BLOC1S3: variants seen among roughly 807,000 people sequenced by gnomAD.
The protein encoded by BLOC1S3 is biogenesis of lysosome-related organelles complex 1 subunit 3.
A neutral mutation model predicts 9.1 loss-of-function variants in BLOC1S3; 7 were observed. That is an observed-to-expected ratio of 0.77 (90% CI 0.44 to 1.45). The LOEUF (loss-of-function observed/expected upper bound fraction) is 1.45, where lower values mean the gene tolerates loss of function less well. Ranked by LOEUF, BLOC1S3 falls within the 40% of genes most tolerant of loss-of-function variation. The probability of loss-of-function intolerance (pLI) is 0.01; values close to 1 mark genes in which losing one functional copy is unlikely to be tolerated. For missense variants in BLOC1S3, 307 were observed against 315.2 expected (o/e 0.97, Z 0.20); for synonymous variants, 145 against 158.4 (o/e 0.92, Z 0.64).
At chr19:45,207,984 T>A (rs1233293325) in intron 3 of BLOC1S3, among the ~76,000 whole-genome samples, 1 of 151,884 alleles carries the variant, frequency 6.6e-6, no homozygotes, top group African/African-American at 2.4e-5. Context: ...GTACTTTTTT[T>A]TTTTTTTTGA....
rs553708630 is a variant in BLOC1S3 at position 45,209,403 on chromosome 19, C to G, written n.282+6896C>G. 1.4e-4 allele frequency among the ~76,000 whole-genome samples: 22 copies of G among 151,860 alleles called. 1 individual carries two copies. The highest frequency in any genetic ancestry group is 5.3e-4 in the African/African-American group (22 of 41,430). On this transcript the variant is annotated intron_variant and non_coding_transcript_variant, in intron 3 of 3. Transcript: ENST00000591569. ...CTTGAAAATTTCGAAGAGAGTAGTTCTATTTCTTTATTTTATTGTTATTAT... is the reference window on the plus strand; with the variant it reads ...CTTGAAAATTTCGAAGAGAGTAGTTGTATTTCTTTATTTTATTGTTATTAT...
At chr19:45,194,313 A>G (rs1267719968) in intron 2 of BLOC1S3, among the ~76,000 whole-genome samples, 1 of 148,058 alleles carries the variant, frequency 6.8e-6, no homozygotes, top group Non-Finnish European at 1.5e-5. Flanking sequence ...GGGTTTCACC[A>G]TATTGGTCAG....
In BLOC1S3 at chr19:45,179,803, G is replaced by T; in HGVS notation, c.507G>T (p.Ala169=). Residue 169 remains alanine (A), a synonymous_variant, in exon 2 of 2, where the codon GCG becomes GCT. Coordinates refer to ENST00000433642, the MANE Select transcript of BLOC1S3 (RefSeq NM_212550.5). The surrounding 1 kb of genome is among the most constrained non-coding windows in gnomAD (Gnocchi z 4.6). The part of the protein sequence containing the change: ...SVRLARGDLC[A]LAERLDIVAG... ...GCCTGGCGCGCGGGGACCTTTGTGCGCTGGCCGAGCGTCTGGACATCGTGG... is the reference window on the plus strand; with the variant it reads ...GCCTGGCGCGCGGGGACCTTTGTGCTCTGGCCGAGCGTCTGGACATCGTGG... 6.2e-7 allele frequency: 1 copy of T among 1,600,864 alleles called. No homozygotes were observed. Among genetic ancestry groups the T allele is most frequent in the East Asian group, 2.3e-5 (1 of 43,758 alleles).
At position 45,215,356 on chromosome 19, in the gene BLOC1S3, A is replaced by G. The variant is rs935928595; in HGVS notation, n.283-1320A>G. 4.6e-5 allele frequency among the ~76,000 whole-genome samples: 7 copies of G among 152,092 alleles called. 1 individual carries two copies. Among genetic ancestry groups the G allele is most frequent in the Admixed American group, 4.6e-4 (7 of 15,252 alleles). ...CATTGTGGTGCATGCCTGTGGTCCC[A>G]GCTACTCAGAAGGCTGAGGTGGGAG... is the stretch of plus-strand genomic sequence containing the variant. On this transcript the variant is annotated intron_variant and non_coding_transcript_variant, in intron 3 of 3. Coordinates refer to the BLOC1S3 transcript ENST00000591569.
At chr19:45,192,389 C>G (rs1350102772) in intron 2 of BLOC1S3, among the ~76,000 whole-genome samples, 1 of 152,174 alleles carries the variant, frequency 6.6e-6, no homozygotes, top group East Asian at 1.9e-4. Flanking sequence ...CAGGGACCCC[C>G]AAGAGCCAAC....
chr19:45,179,895 C>CGCG lies in BLOC1S3; in HGVS notation c.601_603dup (p.Arg201dup), dbSNP rs748400285. The CGCG allele has an allele frequency of 1.9e-6, 3 of 1,608,242 alleles. No individual in the cohort carries two copies. The highest frequency in any genetic ancestry group is 2.7e-5 in the African/African-American group (2 of 74,160). ...ACCGAGCCTGAGAAAGACCCGGGGC[C>CGCG]GCGGGCCTAGCCATGATTCTACTTC... On this transcript the variant is annotated inframe_insertion, in exon 2 of 2. Transcript: ENST00000433642. This position sits in a 1 kb window ranked among gnomAD's most constrained non-coding sequence, Gnocchi z 4.6.
intron 3 of BLOC1S3, among the ~76,000 whole-genome samples, chr19:45,207,161 C>G (rs1019379536): frequency 6.9e-6 from 1 of 145,906 alleles, no homozygotes; most frequent in African/African-American, 2.5e-5. Context: ...GAGACAGAGT[C>G]TCACTCTGTT....
downstream of BLOC1S3, among the ~76,000 whole-genome samples, chr19:45,184,746 A>G (rs1969553071): frequency 6.6e-6 from 1 of 151,852 alleles, no homozygotes; most frequent in African/African-American, 2.4e-5. Context: ...TAAAAATACA[A>G]AAAATTAGCT....
chr19:45,179,420 G>A lies in BLOC1S3; in HGVS notation c.124G>A (p.Gly42Ser), dbSNP rs779822009. The change falls in exon 2 of 2, where the codon GGT (glycine) becomes AGT (serine). Residue 42 changes from glycine (G) to serine (S), a missense_variant. Physicochemically the swap from Gly to Ser is moderately conservative, Grantham distance 56. Transcript: ENST00000433642. This position sits in a 1 kb window ranked among gnomAD's most constrained non-coding sequence, Gnocchi z 4.6. ...SSSEEEELYL[G>S]PSGPTRGRPT... ...GTCGGAGGAGGAGGAGCTGTACCTG[G>A]GTCCTTCGGGCCCGACGCGCGGCCG... The A allele has an allele frequency of 4.5e-6, 7 of 1,547,034 alleles. No individual in the cohort carries two copies. The highest frequency in any genetic ancestry group is 6.1e-6 in the Non-Finnish European group (7 of 1,153,928).
chr19:45,200,415 C>T (rs957528422), intron 2 of BLOC1S3, among the ~76,000 whole-genome samples: 1 of 152,130 alleles, frequency 6.6e-6, no homozygotes, highest in Non-Finnish European at 1.5e-5. Context: ...ATCTCATGAC[C>T]TCGTGATCCA....
chr19:45,215,472 A>T (rs1969822753), intron 3 of BLOC1S3, among the ~76,000 whole-genome samples: 1 of 151,294 alleles, frequency 6.6e-6, no homozygotes. Flanking sequence ...CCCTGTCTCA[A>T]AAAAAAAAGA....
chr19:45,204,882 C>T (rs1000670929), intron 3 of BLOC1S3, among the ~76,000 whole-genome samples: 4 of 151,804 alleles, frequency 2.6e-5, no homozygotes, highest in Non-Finnish European at 4.4e-5. Flanking sequence ...CAGGCATGCA[C>T]CACCATGCCT....
chr19:45,190,010 C>CT (rs1046183688), intron 2 of BLOC1S3, among the ~76,000 whole-genome samples: 9 of 151,032 alleles, frequency 6.0e-5, no homozygotes, highest in South Asian at 2.1e-4. Context: ...CTAATTATTT[C>CT]TTTTTTTTTC....
At chr19:45,207,580 A>AAC (rs1969737402) in intron 3 of BLOC1S3, among the ~76,000 whole-genome samples, 1 of 147,068 alleles carries the variant, frequency 6.8e-6, no homozygotes, top group African/African-American at 2.5e-5. Context: ...AAAAAAAAAA[A>AAC]AAAAAACCTA....
chr19:45,181,567 C>G lies in BLOC1S3; in HGVS notation c.*1662C>G, dbSNP rs191704392. 5.4e-4 allele frequency: 90 copies of G among 167,208 alleles called. No homozygotes were observed. Among genetic ancestry groups the G allele is most frequent in the African/African-American group, 2.1e-3 (86 of 41,578 alleles). The allele number at this position is 167,208 out of a possible 1,614,324, so 10.4% of individuals were successfully genotyped here. A position where few individuals can be genotyped will look rare whatever the true frequency, so the allele number is the denominator to read the frequency against. ...TTGGCTCCTGGATGCTATAAAAGGA[C>G]TTGGATTTCTGACTTGGCTCAGGGA... On this transcript the variant is annotated 3_prime_UTR_variant, in exon 2 of 2. Transcript: ENST00000433642.
rs530736333 is a variant in BLOC1S3, at chr19:45,212,598, CT to C, written n.283-4056del. On this transcript the variant is annotated intron_variant and non_coding_transcript_variant, in intron 3 of 3. Coordinates refer to the BLOC1S3 transcript ENST00000591569. ...CTCTTTGGCCTCTGTTTCCCCCTAC[CT>C]TTTTTTTTTTTTTTTTTTTTTGAGA... The C allele has an allele frequency of 1.7e-3, 185 of 111,320 alleles. 1 individual carries two copies. Among genetic ancestry groups the C allele is most frequent in the Middle Eastern group, 0.015 (3 of 202 alleles). 6.9% of individuals were successfully genotyped at this position (111,320 alleles called of 1,614,324 possible). A position where few individuals can be genotyped will look rare whatever the true frequency, so the allele number is the denominator to read the frequency against.
At chr19:45,202,249 C>T (rs1287903980) in intron 2 of BLOC1S3, among the ~76,000 whole-genome samples, 1 of 146,570 alleles carries the variant, frequency 6.8e-6, no homozygotes, top group East Asian at 2.1e-4. Context: ...ACGTGCCTTT[C>T]AGCTTCTGCC....
Position 45,179,196 on chromosome 19 carries a change from G to A in BLOC1S3, c.-9-92G>A. On this transcript the variant is annotated intron_variant, in intron 1 of 1. Coordinates refer to ENST00000433642, the MANE Select transcript of BLOC1S3 (RefSeq NM_212550.5). This position sits in a 1 kb window ranked among gnomAD's most constrained non-coding sequence, Gnocchi z 4.6. ...AGCAGCTGACACCAAGTCGTTAAGA[G>A]AATCAGCGAAGGGGCTGGGAATCCA... 7.4e-7 allele frequency: 1 copy of A among 1,355,366 alleles called. No individual in the cohort carries two copies. Among genetic ancestry groups the A allele is most frequent in the Non-Finnish European group, 9.6e-7 (1 of 1,045,116 alleles). 84.0% of individuals were successfully genotyped at this position (1,355,366 alleles called of 1,614,324 possible).
chr19:45,198,178 A>T (rs1379377625), intron 2 of BLOC1S3, among the ~76,000 whole-genome samples: 1 of 152,200 alleles, frequency 6.6e-6, no homozygotes, highest in Non-Finnish European at 1.5e-5. Flanking sequence ...CCATCTAAAT[A>T]GAGCAACCGT....
Sources: allele counts gnomAD v4.1 joint callset (sites outside exome capture counted in the v4.1 genomes callset), GRCh38; gene constraint gnomAD v4.1.1; non-coding constraint Gnocchi (gnomAD v3.1); transcripts MANE v1.5; gene names NCBI Gene and HGNC (gene_info 2026-07-23, HGNC 2026-07-21).